Variants in PWWP3B observed in about 807,000 individuals in gnomAD.
The protein encoded by PWWP3B is PWWP domain-containing DNA repair factor 3B.
A neutral mutation model predicts 15.7 loss-of-function variants in PWWP3B; 5 were observed. The observed-to-expected ratio is 0.32, with a 90% confidence interval of 0.17 to 0.67. The LOEUF is 0.67. PWWP3B is among the 30% of genes least tolerant of loss of function. The pLI is 0.74. For missense variants in PWWP3B, 519 were observed against 493.1 expected, an observed-to-expected ratio of 1.05 and a Z score of -0.50; for synonymous variants, 203 against 179.8, an observed-to-expected ratio of 1.13 and a Z score of -1.03.
rs371256831 is a variant in PWWP3B, at chrX:106,207,899, C to T, written c.*376C>T. The T allele has an allele frequency of 9.9e-5, 13 of 131,894 alleles. No individual in the cohort carries two copies. Among genetic ancestry groups the T allele is most frequent in the Middle Eastern group, 4.0e-3 (1 of 252 alleles). 10.9% of individuals were successfully genotyped at this position (131,894 alleles called of 1,213,427 possible). On this transcript the variant is annotated 3_prime_UTR_variant, in exon 4 of 4. Coordinates refer to ENST00000357175, the MANE Select transcript of PWWP3B (RefSeq NM_001171020.2). ...AAATTGCACTGGTGTTAGATATTAA[C>T]GAAGATGATTGGAAAAAAGTCTGAA...
intron 2 of PWWP3B, among the ~76,000 whole-genome samples, chrX:106,199,894 T>C (rs1025918958): frequency 9.0e-6 from 1 of 111,437 alleles, no homozygotes; most frequent in Non-Finnish European, 1.9e-5. Flanking sequence ...TGATATACGA[T>C]TGTAAAAAAA....
chrX:106,189,907 G>A (rs1000290549), intron 2 of PWWP3B, among the ~76,000 whole-genome samples: 14 of 112,387 alleles, frequency 1.2e-4, no homozygotes, highest in African/African-American at 1.9e-4. Flanking sequence ...GTGAGCCACC[G>A]CGCCCGGCGC....
Position 106,205,423 on chromosome X carries a change from A to G in PWWP3B, c.-10A>G. ...TGGTAATAACCCTTGGCACACAAATATAAACCATAATGGAGTCTGAGTATG... is the reference window on the plus strand; with the variant it reads ...TGGTAATAACCCTTGGCACACAAATGTAAACCATAATGGAGTCTGAGTATG... On this transcript the variant is annotated 5_prime_UTR_variant, in exon 4 of 4. It adds an upstream start codon to the 5' untranslated region. Coordinates refer to ENST00000357175, the MANE Select transcript of PWWP3B (RefSeq NM_001171020.2). The G allele has an allele frequency of 1.8e-6, 2 of 1,123,125 alleles. No homozygotes were observed. Among genetic ancestry groups the G allele is most frequent in the Admixed American group, 3.4e-5 (1 of 29,231 alleles). The allele number at this position is 1,123,125 out of a possible 1,213,427, so 92.6% of individuals were successfully genotyped here.
At chrX:106,187,487 G>A (rs1380930777) in intron 2 of PWWP3B, among the ~76,000 whole-genome samples, 4 of 111,579 alleles carry the variant, frequency 3.6e-5, no homozygotes, top group African/African-American at 1.3e-4. Flanking sequence ...GTCACTAGTT[G>A]GTAATTTTTC....
At chrX:106,194,553 T>C (rs1923244038) in intron 2 of PWWP3B, among the ~76,000 whole-genome samples, 1 of 112,350 alleles carries the variant, frequency 8.9e-6, no homozygotes. Flanking sequence ...TCAAAGTCAT[T>C]CTCCGTCCAG....
intron 2 of PWWP3B, among the ~76,000 whole-genome samples, chrX:106,194,384 C>T (rs182141648): frequency 1.4e-3 from 162 of 111,933 alleles, no homozygotes; most frequent in African/African-American, 3.1e-3. Flanking sequence ...CTTGGTTTTC[C>T]GCTCCATCAG....
intron 2 of PWWP3B, among the ~76,000 whole-genome samples, chrX:106,185,161 T>C (rs1254456076): frequency 9.0e-6 from 1 of 111,467 alleles, no homozygotes; most frequent in Non-Finnish European, 1.9e-5. Context: ...TGGCCATTTT[T>C]CCCCATCAGA....
Position 106,207,209 on chromosome X carries a change from A to G in PWWP3B, c.1777A>G (p.Thr593Ala). The G allele has an allele frequency of 8.3e-7, 1 of 1,209,270 alleles. No homozygotes were observed. ...LKSFLNANRF[T>A]PCIETYFEDE... ...ATCATTTTTGAATGCAAATAGGTTC[A>G]CACCCTGTATTGAAACATACTTTGA... The change falls in exon 4 of 4, where the codon ACA becomes GCA. Residue 593 changes from threonine (T) to alanine (A), a missense_variant. Transcript: ENST00000357175.
At chrX:106,176,760 T>A (rs1470089390) in intron 2 of PWWP3B, among the ~76,000 whole-genome samples, 16 of 112,202 alleles carry the variant, frequency 1.4e-4, no homozygotes, top group African/African-American at 5.2e-4. Context: ...GTTGATGTTT[T>A]ATGTTTAGAA....
chrX:106,178,916 T>A (rs1922042206), intron 2 of PWWP3B, among the ~76,000 whole-genome samples: 1 of 111,957 alleles, frequency 8.9e-6, no homozygotes, highest in Non-Finnish European at 1.9e-5. Context: ...TCGGATTCCA[T>A]TTTTTACGTA....
Position 106,206,445 on chromosome X carries a change from G to A in PWWP3B, c.1013G>A (p.Arg338Lys), listed in dbSNP as rs762184690. 2.5e-6 allele frequency: 3 copies of A among 1,208,093 alleles called. No individual in the cohort carries two copies. Among genetic ancestry groups the A allele is most frequent in the East Asian group, 5.9e-5 (2 of 33,766 alleles). The part of the protein sequence containing the change: ...WDYSHLMSSE[R>K]NFQRLDFEEL... ...TATTCACATCTTATGAGTAGTGAAA[G>A]AAATTTTCAGAGACTGGATTTTGAA... The change falls in exon 4 of 4, where the codon AGA becomes AAA. Residue 338 changes from arginine (R) to lysine (K), a missense_variant. Coordinates refer to ENST00000357175, the MANE Select transcript of PWWP3B (RefSeq NM_001171020.2).
intron 2 of PWWP3B, among the ~76,000 whole-genome samples, chrX:106,189,654 G>C (rs1425915886): frequency 2.3e-5 from 2 of 88,132 alleles, no homozygotes; most frequent in Non-Finnish European, 4.2e-5. Flanking sequence ...GTCTCGCTCT[G>C]TCGCCCAGGC....
chrX:106,178,851 T>C (rs779273080), intron 2 of PWWP3B, among the ~76,000 whole-genome samples: 3 of 112,355 alleles, frequency 2.7e-5, no homozygotes, highest in East Asian at 5.6e-4. Flanking sequence ...TATTTTCAAT[T>C]TTCAGTAACC....
intron 2 of PWWP3B, among the ~76,000 whole-genome samples, chrX:106,194,013 T>C (rs948443743): frequency 9.0e-6 from 1 of 111,540 alleles, no homozygotes; most frequent in Admixed American, 9.5e-5. Flanking sequence ...CTGACAATTA[T>C]GTGTCTTGGA....
intron 2 of PWWP3B, chrX:106,201,893 G>T (rs893168357): frequency 8.9e-6 from 1 of 112,059 alleles, no homozygotes; most frequent in African/African-American, 3.2e-5. Flanking sequence ...AGAATTGCTG[G>T]CATTTTGAAG....
rs758515312 is a variant in PWWP3B, at chrX:106,207,677, T to C, written c.*154T>C. 2.4e-5 allele frequency: 11 copies of C among 454,385 alleles called. No individual in the cohort carries two copies. In the African/African-American group the frequency reaches 2.5e-4, roughly 10 times the overall value. The allele number at this position is 454,385 out of a possible 1,213,427, so 37.4% of individuals were successfully genotyped here. On this transcript the variant is annotated 3_prime_UTR_variant, in exon 4 of 4. Coordinates refer to ENST00000357175, the MANE Select transcript of PWWP3B (RefSeq NM_001171020.2). ...AGATCTCTAGGATCTGTGGTTATAA[T>C]TACATCTTTATTTCCTTTTCTTGCG...
chrX:106,206,655 C>G lies in PWWP3B; in HGVS notation c.1223C>G (p.Ala408Gly). ...FKYQKYPFWP[A>G]VIKSIRRKER... is the part of the protein sequence containing the mutation. ...TATCAGAAATATCCATTTTGGCCAG[C>G]AGTGATAAAAAGTATCAGACGAAAA... Residue 408 changes from alanine (A) to glycine (G), a missense_variant, in exon 4 of 4, where the codon GCA becomes GGA. Physicochemically the swap from Ala to Gly is moderately conservative, Grantham distance 60. Coordinates refer to ENST00000357175, the MANE Select transcript of PWWP3B (RefSeq NM_001171020.2). 1 of 1,209,663 alleles carries G rather than the reference C, an allele frequency of 8.3e-7. No homozygotes were observed. The highest frequency in any genetic ancestry group is 3.0e-5 in the East Asian group (1 of 33,814).
chrX:106,175,672 T>C (rs976626967), intron 2 of PWWP3B, among the ~76,000 whole-genome samples: 6 of 111,434 alleles, frequency 5.4e-5, no homozygotes, highest in Admixed American at 9.5e-5. Flanking sequence ...ACCTCCTGTT[T>C]TGGAGTCAGA....
rs1923929543 is a variant in PWWP3B at position 106,205,330 on chromosome X, G to A, written c.-103G>A. The A allele has an allele frequency of 2.6e-6, 2 of 783,785 alleles. No individual in the cohort carries two copies. The highest frequency in any genetic ancestry group is 2.1e-5 in the African/African-American group (1 of 46,989). The allele number at this position is 783,785 out of a possible 1,213,427, so 64.6% of individuals were successfully genotyped here. A position where few individuals can be genotyped will look rare whatever the true frequency, so the allele number is the denominator to read the frequency against. Reference sequence around the variant, plus strand: ...CCTTTGTAGTCATAAGACGAAAGAGGATTTGTTAAGAGTATTGTTTTGGGT... The same window carrying A: ...CCTTTGTAGTCATAAGACGAAAGAGAATTTGTTAAGAGTATTGTTTTGGGT... On this transcript the variant is annotated 5_prime_UTR_variant, in exon 4 of 4. Coordinates refer to ENST00000357175, the MANE Select transcript of PWWP3B (RefSeq NM_001171020.2).
Sources: allele counts gnomAD v4.1 joint callset (sites outside exome capture counted in the v4.1 genomes callset), GRCh38; gene constraint gnomAD v4.1.1; transcripts MANE v1.5; gene names NCBI Gene and HGNC (gene_info 2026-07-23, HGNC 2026-07-21).